Variants in KAZN observed in about 807,000 individuals in gnomAD.
KAZN encodes kazrin, periplakin interacting protein.
Under a neutral mutation model 87.4 loss-of-function variants are expected in KAZN, and 40 were observed. The observed-to-expected ratio is 0.46, with a 90% CI of 0.36 to 0.60. The LOEUF (loss-of-function observed/expected upper bound fraction) is 0.60, where lower values mean the gene tolerates loss of function less well. Among genes scored for constraint, KAZN ranks in the 20% least tolerant of loss-of-function variants. The pLI, the probability that KAZN is intolerant of heterozygous loss-of-function variation, is 0.00. For synonymous variants in KAZN, 466 were observed against 458.3 expected (o/e 1.02, Z -0.22); for missense variants, 898 against 1,073.9 (o/e 0.84, Z 2.29).
In KAZN at chr1:14,752,746, A is replaced by C. The variant is rs145365878; in HGVS notation, c.226+153523A>C. ...GTTTCAACATAGGAATTTGGTGGGG[A>C]GGGGGGACACATTCAGACCATAGCA... On this transcript the variant is annotated intron_variant, in intron 1 of 14. Coordinates refer to ENST00000376030, the MANE Select transcript of KAZN (RefSeq NM_201628.3). Among the ~76,000 whole-genome samples, 235 of 152,208 alleles carry C rather than the reference A, an allele frequency of 1.5e-3. 3 individuals carry two copies. Among genetic ancestry groups the C allele is most frequent in the African/African-American group, 5.4e-3 (226 of 41,526 alleles).
intron 1 of KAZN, among the ~76,000 whole-genome samples, chr1:14,002,029 C>T (rs1284347974): frequency 1.3e-5 from 2 of 152,156 alleles, no homozygotes; most frequent in Non-Finnish European, 2.9e-5. Context: ...AGAACTTCTG[C>T]ACAACAAAAG....
At chr1:14,257,959 T>TAAAAAAAA (rs1168366132) in intron 2 of KAZN, among the ~76,000 whole-genome samples, 1 of 28,740 alleles carries the variant, frequency 3.5e-5, no homozygotes, top group East Asian at 6.4e-4. Flanking sequence ...AAAAAAACAT[T>TAAAAAAAA]AAAAAAAAAA....
At chr1:15,114,398 C>T in intron 14 of KAZN, 73 bp from the exon 15 acceptor site, 1 of 1,252,974 alleles carries the variant, frequency 8.0e-7, no homozygotes, top group Non-Finnish European at 1.1e-6. Flanking sequence ...GAATTGGAGA[C>T]ATTTCCCAGA....
At chr1:14,976,947 C>T (rs770880274) in intron 2 of KAZN, among the ~76,000 whole-genome samples, 10 of 152,004 alleles carry the variant, frequency 6.6e-5, no homozygotes, top group Non-Finnish European at 1.5e-4. Flanking sequence ...CCCAGCTACT[C>T]AGGAGGCTGA....
At chr1:14,876,009 G>A (rs988790767) in intron 1 of KAZN, among the ~76,000 whole-genome samples, 1 of 152,242 alleles carries the variant, frequency 6.6e-6, no homozygotes, top group African/African-American at 2.4e-5. Flanking sequence ...TGAAGTGAGA[G>A]TGAGCCGCTC....
At chr1:14,268,190 G>T (rs1015822414) in intron 2 of KAZN, among the ~76,000 whole-genome samples, 3 of 152,158 alleles carry the variant, frequency 2.0e-5, no homozygotes, top group Non-Finnish European at 4.4e-5. Context: ...ATCACAGAAG[G>T]TTGCAAGGCT....
intron 1 of KAZN, among the ~76,000 whole-genome samples, chr1:13,967,217 T>C (rs1641977678): frequency 6.6e-6 from 1 of 152,230 alleles, no homozygotes; most frequent in Admixed American, 6.5e-5. Flanking sequence ...GGCTGACATC[T>C]TACCTAACTG....
At chr1:14,634,281 C>T (rs754366704) in intron 1 of KAZN, among the ~76,000 whole-genome samples, 10 of 152,084 alleles carry the variant, frequency 6.6e-5, no homozygotes, top group Admixed American at 1.3e-4. Flanking sequence ...CAAATACCTC[C>T]CAACTTCATT....
intron 1 of KAZN, among the ~76,000 whole-genome samples, chr1:14,929,299 AC>A (rs1659530732): frequency 6.6e-6 from 1 of 152,228 alleles, no homozygotes; most frequent in South Asian, 2.1e-4. Context: ...ATTTACTCAA[AC>A]AGGTGACTCC....
chr1:14,930,501 C>T (rs1049007674), intron 1 of KAZN, among the ~76,000 whole-genome samples: 3 of 152,294 alleles, frequency 2.0e-5, no homozygotes, highest in East Asian at 1.9e-4. Flanking sequence ...TTCGCTCAGT[C>T]GGGTCCCATT....
rs34718502 is a variant in KAZN, at chr1:14,890,840, C to CTTTTT, written c.227-69825_227-69821dup. Among the ~76,000 whole-genome samples, 30 of 69,670 alleles carry CTTTTT rather than the reference C, an allele frequency of 4.3e-4. 3 individuals are homozygous for CTTTTT. Among genetic ancestry groups the CTTTTT allele is most frequent in the East Asian group, 8.4e-4 (2 of 2,376 alleles). The allele number at this position is 69,670 out of a possible 152,430, so 45.7% of individuals were successfully genotyped here. A position where few individuals can be genotyped will look rare whatever the true frequency, so the allele number is the denominator to read the frequency against. ...CACTGTGCCCAGCCAGGAATCTGGA[C>CTTTTT]TTTTTTTTTTTTTTTTTTTTTTTGA... On this transcript the variant is annotated intron_variant, in intron 1 of 14. Coordinates refer to ENST00000376030, the MANE Select transcript of KAZN (RefSeq NM_201628.3).
intron 3 of KAZN, among the ~76,000 whole-genome samples, chr1:15,039,349 C>A (rs1672672858): frequency 6.6e-6 from 1 of 152,132 alleles, no homozygotes; most frequent in Admixed American, 6.5e-5. Context: ...AGCCCCAGCC[C>A]CAGAGCTCAT....
intron 2 of KAZN, among the ~76,000 whole-genome samples, chr1:14,323,296 G>A (rs994349775): frequency 6.6e-6 from 1 of 152,120 alleles, no homozygotes; most frequent in Non-Finnish European, 1.5e-5. Context: ...CCTGGTGGAT[G>A]AGCAGGGAGG....
chr1:14,361,733 C>G (rs1003524053), intron 2 of KAZN, among the ~76,000 whole-genome samples: 1 of 152,242 alleles, frequency 6.6e-6, no homozygotes, highest in Non-Finnish European at 1.5e-5. Flanking sequence ...CTGACCAGTC[C>G]CAATAAGATG....
intron 2 of KAZN, among the ~76,000 whole-genome samples, chr1:14,421,827 C>A (rs963033359): frequency 6.6e-6 from 1 of 152,064 alleles, no homozygotes; most frequent in Admixed American, 6.6e-5. Context: ...GCCTTAGTCC[C>A]CTCCCCTCCC....
chr1:15,004,350 G>A lies in KAZN; in HGVS notation c.419-30399G>A, dbSNP rs1668792435. On this transcript the variant is annotated intron_variant, in intron 2 of 14. Transcript: ENST00000376030. ...CTGAGGACGCCCGCTGTGCAGAAGA[G>A]GCTGGTACTGTGCAAATATCATTGC... is the stretch of plus-strand genomic sequence containing the variant. 3.9e-5 allele frequency among the ~76,000 whole-genome samples: 6 copies of A among 152,328 alleles called. No individual in the cohort carries two copies. The South Asian group carries it at 1.2e-3, about 32-fold the overall frequency.
In KAZN at chr1:14,745,696, G is replaced by A. The variant is rs890491657; in HGVS notation, c.226+146473G>A. On this transcript the variant is annotated intron_variant, in intron 1 of 14. Transcript: ENST00000376030. ...AAATATGGTGGAAGAGTGGGGAAGAGATCTTAATCATCACTAGAATTATTA... is the reference window on the plus strand; with the variant it reads ...AAATATGGTGGAAGAGTGGGGAAGAAATCTTAATCATCACTAGAATTATTA... Among the ~76,000 whole-genome samples, 13 of 152,162 alleles carry A rather than the reference G, an allele frequency of 8.5e-5. No homozygotes were observed. The South Asian group carries it at 1.2e-3, about 15-fold the overall frequency.
At chr1:14,201,297 C>A (rs941925957) in intron 2 of KAZN, among the ~76,000 whole-genome samples, 1 of 152,236 alleles carries the variant, frequency 6.6e-6, no homozygotes, top group Non-Finnish European at 1.5e-5. Context: ...GTTTCTCTCT[C>A]ACACAAGAAA....
At chr1:14,720,550 A>G (rs1186853204) in intron 1 of KAZN, among the ~76,000 whole-genome samples, 1 of 152,174 alleles carries the variant, frequency 6.6e-6, no homozygotes, top group Non-Finnish European at 1.5e-5. Flanking sequence ...CTGACAAACC[A>G]TCTTCTGTCG....
Sources: gnomAD v4.1 joint callset for allele counts (sites outside exome capture counted in the v4.1 genomes callset) on GRCh38, gnomAD v4.1.1 for gene constraint, MANE v1.5 for transcripts, NCBI Gene and HGNC (gene_info 2026-07-23, HGNC 2026-07-21) for gene names.